Variants in SNTG2 observed in about 807,000 individuals in gnomAD.
SNTG2 encodes the protein gamma-2-syntrophin.
A neutral mutation model predicts 70.9 loss-of-function variants in SNTG2; 74 were observed. The ratio of observed to expected loss-of-function variants is 1.04; its 90% CI spans 0.86 to 1.27. SNTG2 has a LOEUF of 1.27. Among genes scored for constraint, SNTG2 ranks in the 50% most tolerant of loss-of-function variants. The pLI, the probability that SNTG2 is intolerant of heterozygous loss-of-function variation, is 0.00. For synonymous variants in SNTG2, 278 were observed against 273.8 expected, an observed-to-expected ratio of 1.02 and a Z score of -0.15; for missense variants, 717 against 690.7, an observed-to-expected ratio of 1.04 and a Z score of -0.43.
chr2:1,300,213 G>T (rs373097303), intron 14 of SNTG2, among the ~76,000 whole-genome samples: 1 of 151,762 alleles, frequency 6.6e-6, no homozygotes, highest in Non-Finnish European at 1.5e-5. Context: ...TACCATCACC[G>T]CTCTGAAGGG....
chr2:1,169,977 C>T (rs201744565), intron 7 of SNTG2, among the ~76,000 whole-genome samples: 2 of 133,748 alleles, frequency 1.5e-5, no homozygotes, highest in African/African-American at 5.3e-5. Flanking sequence ...TCAGGCGAAA[C>T]GTCCTCTGCT....
At chr2:1,111,943 AAGTG>A (rs1322078770) in intron 4 of SNTG2, among the ~76,000 whole-genome samples, 3 of 88,146 alleles carry the variant, frequency 3.4e-5, no homozygotes, top group Non-Finnish European at 7.7e-5. Flanking sequence ...CGTGTGTACT[AAGTG>A]AGGTTTAACC....
rs34835668 is a variant in SNTG2 at position 1,306,685 on chromosome 2, A to AGTGTGTGTGTGTGT, written c.1285-1797_1285-1784dup. ...TCCAGCCTCCCTCGGCCAGGGTGTG[A>AGTGTGTGTGTGTGT]GTGTGTGTGTGTGTGTGTGTGTGTG... On this transcript the variant is annotated intron_variant, in intron 14 of 16. Transcript: ENST00000308624. Among the ~76,000 whole-genome samples, 1,168 of 149,082 alleles carry AGTGTGTGTGTGTGT rather than the reference A, an allele frequency of 7.8e-3. 14 individuals carry two copies. The highest frequency in any genetic ancestry group is 0.032 in the South Asian group (148 of 4,650).
chr2:1,279,500 C>G lies in SNTG2; in HGVS notation c.1284+11929C>G, dbSNP rs139138242. On this transcript the variant is annotated intron_variant, in intron 14 of 16. Transcript: ENST00000308624. ...TCGGAATGTAACCTCCTTGGAGGAGCGGGGGCTCCCGTACAGGAATTAAGG... is the reference window on the plus strand; with the variant it reads ...TCGGAATGTAACCTCCTTGGAGGAGGGGGGGCTCCCGTACAGGAATTAAGG... 4.5e-4 allele frequency among the ~76,000 whole-genome samples: 68 copies of G among 152,272 alleles called. No homozygotes were observed. In the East Asian group the frequency reaches 0.012, roughly 26 times the overall value.
At chr2:1,173,065 G>T in intron 7 of SNTG2, 27 bp from the exon 8 acceptor site, 1 of 1,606,408 alleles carries the variant, frequency 6.2e-7, no homozygotes, top group Non-Finnish European at 8.5e-7. Flanking sequence ...GCACCAATTG[G>T]AAGGGACTTC....
rs577563977 is a variant in SNTG2, at chr2:1,272,463, T to TAAA, written c.1284+4912_1284+4914dup. 1.9e-3 allele frequency among the ~76,000 whole-genome samples: 96 copies of TAAA among 51,872 alleles called. 10 individuals carry two copies. Among genetic ancestry groups the TAAA allele is most frequent in the African/African-American group, 7.4e-3 (79 of 10,660 alleles). The allele number at this position is 51,872 out of a possible 152,430, so 34.0% of individuals were successfully genotyped here. The stretch of plus-strand genomic sequence containing the variant: ...CTAACAGGCCACAGACTGGTACTGG[T>TAAA]AAAAAAAAAAAAAAAAAAAAAAGGA... On this transcript the variant is annotated intron_variant, in intron 14 of 16. Transcript: ENST00000308624.
chr2:1,286,443 G>C (rs1414560087), intron 14 of SNTG2, among the ~76,000 whole-genome samples: 1 of 152,220 alleles, frequency 6.6e-6, no homozygotes, highest in Non-Finnish European at 1.5e-5. Flanking sequence ...GTTTCCAGCT[G>C]ATGGGGAACA....
At chr2:1,189,985 T>TC (rs1672480011) in intron 8 of SNTG2, among the ~76,000 whole-genome samples, 1 of 152,102 alleles carries the variant, frequency 6.6e-6, no homozygotes, top group African/African-American at 2.4e-5. Context: ...TTTAAAACCT[T>TC]TGGGAAGAAA....
Position 1,173,195 on chromosome 2 carries a change from G to A in SNTG2, c.591+12G>A. 6.2e-7 allele frequency: 1 copy of A among 1,610,866 alleles called. No individual in the cohort carries two copies. The highest frequency in any genetic ancestry group is 8.5e-7 in the Non-Finnish European group (1 of 1,177,764). On this transcript the variant is annotated intron_variant, in intron 8 of 16. Transcript: ENST00000308624. The stretch of plus-strand genomic sequence containing the variant: ...ACTCCAGTACCACAGTAAGCATATA[G>A]ATTTTTGTTAAATTTTATTTTAACA...
chr2:1,141,960 CATTT>C (rs386642226), intron 6 of SNTG2, among the ~76,000 whole-genome samples: 1 of 152,098 alleles, frequency 6.6e-6, no homozygotes, highest in South Asian at 2.1e-4. Flanking sequence ...GGTCCAGCAG[CATTT>C]TTTGTCCACC....
intron 11 of SNTG2, among the ~76,000 whole-genome samples, chr2:1,243,818 G>T (rs1345790486): frequency 6.6e-6 from 1 of 152,234 alleles, no homozygotes; most frequent in Non-Finnish European, 1.5e-5. Flanking sequence ...AGGAGGCCAG[G>T]AGTTGAAGAC....
intron 9 of SNTG2, among the ~76,000 whole-genome samples, chr2:1,223,960 G>A (rs2148054027): frequency 6.6e-6 from 1 of 152,282 alleles, no homozygotes; most frequent in South Asian, 2.1e-4. Flanking sequence ...GCCTTATGCA[G>A]CAGGCATGCG....
chr2:1,352,336 C>T (rs1447171791), intron 16 of SNTG2, among the ~76,000 whole-genome samples: 3 of 152,016 alleles, frequency 2.0e-5, no homozygotes, highest in African/African-American at 7.3e-5. Flanking sequence ...CCCTCTGCCT[C>T]CTGAGCTCCT....
At chr2:1,157,987 TGGCC>T (rs1230452825) in intron 6 of SNTG2, among the ~76,000 whole-genome samples, 1 of 152,220 alleles carries the variant, frequency 6.6e-6, no homozygotes, top group Non-Finnish European at 1.5e-5. Context: ...AAAGTTACCT[TGGCC>T]GGCCGGCAGG....
chr2:1,303,098 T>C (rs1558191203), intron 14 of SNTG2, among the ~76,000 whole-genome samples: 1 of 152,138 alleles, frequency 6.6e-6, no homozygotes, highest in Non-Finnish European at 1.5e-5. Flanking sequence ...AGGTAAAATA[T>C]CAGCAAATAT....
chr2:1,299,880 C>T (rs1367356585), intron 14 of SNTG2, among the ~76,000 whole-genome samples: 3 of 152,236 alleles, frequency 2.0e-5, no homozygotes, highest in Non-Finnish European at 4.4e-5. Flanking sequence ...ACGTAAGGCA[C>T]TTAGCCTAGT....
At position 978,588 on chromosome 2, in the gene SNTG2, C is replaced by T. The variant is rs527470644; in HGVS notation, c.72+27520C>T. Among the ~76,000 whole-genome samples the T allele has an allele frequency of 2.6e-5, 4 of 152,248 alleles. No homozygotes were observed. The South Asian group carries it at 6.2e-4, about 24-fold the overall frequency. ...AACCTTCTAGGTGGTATTTCCCCCACGTTTGCTGAAGCCTTCTGCCCCTGT... is the reference window on the plus strand; with the variant it reads ...AACCTTCTAGGTGGTATTTCCCCCATGTTTGCTGAAGCCTTCTGCCCCTGT... On this transcript the variant is annotated intron_variant, in intron 1 of 16. Transcript: ENST00000308624.
intron 1 of SNTG2, among the ~76,000 whole-genome samples, chr2:1,073,078 C>T (rs1663684027): frequency 6.6e-6 from 1 of 152,128 alleles, no homozygotes; most frequent in Admixed American, 6.5e-5. Flanking sequence ...GGAATCCACT[C>T]CTAGTGAAGA....
At chr2:1,257,411 A>G (rs1678183062) in intron 12 of SNTG2, among the ~76,000 whole-genome samples, 1 of 152,172 alleles carries the variant, frequency 6.6e-6, no homozygotes, top group African/African-American at 2.4e-5. Context: ...AGACACGGCC[A>G]CTGGCAGGAG....
Sources: gnomAD v4.1 joint callset for allele counts (sites outside exome capture counted in the v4.1 genomes callset) on GRCh38, gnomAD v4.1.1 for gene constraint, MANE v1.5 for transcripts, NCBI Gene and HGNC (gene_info 2026-07-23, HGNC 2026-07-21) for gene names.